Variants in GRIK2 observed in about 807,000 individuals in gnomAD.
The protein encoded by GRIK2 is glutamate ionotropic receptor kainate type subunit 2.
In GRIK2, 32 loss-of-function variants were observed where a neutral mutation model predicts 100.3. The observed-to-expected ratio is 0.32, with a 90% CI of 0.24 to 0.43. GRIK2 has a LOEUF of 0.43. GRIK2 is among the 20% of genes least tolerant of loss of function. GRIK2 has a pLI of 1.00. For missense variants in GRIK2, 843 were observed against 1,114.9 expected (o/e 0.76, Z 3.47); for synonymous variants, 417 against 389.4 (o/e 1.07, Z -0.83).
At chr6:101,620,636 T>C (rs1260631689) in intron 2 of GRIK2, among the ~76,000 whole-genome samples, 1 of 152,174 alleles carries the variant, frequency 6.6e-6, no homozygotes, top group Non-Finnish European at 1.5e-5. Context: ...AATTGCTAGA[T>C]GTGGAATAGC....
Position 101,490,940 on chromosome 6 carries a change from T to C in GRIK2, c.115+91548T>C, listed in dbSNP as rs146938185. Among the ~76,000 whole-genome samples the C allele has an allele frequency of 1.4e-5, 2 of 145,972 alleles. 1 individual carries two copies. The highest frequency in any genetic ancestry group is 3.0e-5 in the Non-Finnish European group (2 of 66,398). On this transcript the variant is annotated intron_variant, in intron 2 of 16. Coordinates refer to ENST00000369134, the MANE Select transcript of GRIK2 (RefSeq NM_021956.5). The stretch of plus-strand genomic sequence containing the variant: ...AATAACAGACATGCATGCGTGCACA[T>C]ACACACACACCTTTTCCAAAACATA...
chr6:101,644,304 T>A (rs994187843), intron 4 of GRIK2, among the ~76,000 whole-genome samples: 1 of 151,744 alleles, frequency 6.6e-6, no homozygotes, highest in Non-Finnish European at 1.5e-5. Flanking sequence ...TCAAGTAATG[T>A]TAAGAGTAGG....
chr6:101,791,155 C>A lies in GRIK2; in HGVS notation c.952-8493C>A, dbSNP rs1200838333. 2.0e-5 allele frequency among the ~76,000 whole-genome samples: 3 copies of A among 152,154 alleles called. No individual in the cohort carries two copies. The South Asian group carries it at 6.2e-4, about 32-fold the overall frequency. ...CAATTTTGTTGATCCTTTCAAAAAA[C>A]CAGCTCCTGGATTCATTAATTTGTT... On this transcript the variant is annotated intron_variant, in intron 7 of 16. Coordinates refer to ENST00000369134, the MANE Select transcript of GRIK2 (RefSeq NM_021956.5).
chr6:102,025,348 A>C (rs1468991118), intron 14 of GRIK2, among the ~76,000 whole-genome samples: 1 of 151,332 alleles, frequency 6.6e-6, no homozygotes, highest in African/African-American at 2.4e-5. Context: ...TGAACAGATA[A>C]ATAAGTATAA....
At chr6:102,026,148 A>ATATATATATATG (rs1769693624) in intron 14 of GRIK2, among the ~76,000 whole-genome samples, 2 of 112,466 alleles carry the variant, frequency 1.8e-5, no homozygotes, top group Non-Finnish European at 3.9e-5. Context: ...ATATATATAT[A>ATATATATATATG]TATATATGAA....
intron 9 of GRIK2, among the ~76,000 whole-genome samples, chr6:101,805,572 A>G (rs1228828167): frequency 6.6e-6 from 1 of 151,976 alleles, no homozygotes; most frequent in East Asian, 1.9e-4. Context: ...TGGTCATCTT[A>G]GACCAGCACA....
rs143145703 is a variant in GRIK2, at chr6:101,923,272, C to T, written c.1749-1329C>T. On this transcript the variant is annotated intron_variant, in intron 12 of 16. Transcript: ENST00000369134. Reference sequence around the variant, plus strand: ...TTTTTTAATGCTTTCACAAAGCGGACATATTCTAATTTGGTTTATAAAAGA... The same window carrying T: ...TTTTTTAATGCTTTCACAAAGCGGATATATTCTAATTTGGTTTATAAAAGA... 5.6e-3 allele frequency among the ~76,000 whole-genome samples: 855 copies of T among 151,946 alleles called. 10 individuals are homozygous for T. The highest frequency in any genetic ancestry group is 0.02 in the African/African-American group (814 of 41,426).
chr6:101,655,835 A>G (rs1782032047), intron 4 of GRIK2, among the ~76,000 whole-genome samples: 1 of 152,174 alleles, frequency 6.6e-6, no homozygotes, highest in South Asian at 2.1e-4. Context: ...AGTTCCCTAC[A>G]GAATTACAAG....
intron 11 of GRIK2, among the ~76,000 whole-genome samples, chr6:101,874,993 T>C (rs1470138925): frequency 6.6e-6 from 1 of 152,160 alleles, no homozygotes; most frequent in East Asian, 1.9e-4. Context: ...TAAGGAAATT[T>C]TGGGCTGAGA....
At chr6:101,545,866 G>T (rs1276631770) in intron 2 of GRIK2, among the ~76,000 whole-genome samples, 1 of 151,806 alleles carries the variant, frequency 6.6e-6, no homozygotes, top group Non-Finnish European at 1.5e-5. Flanking sequence ...TCTGATTTTT[G>T]ATTTCTTACT....
chr6:101,895,668 C>T (rs2128459556), intron 12 of GRIK2, among the ~76,000 whole-genome samples: 1 of 151,734 alleles, frequency 6.6e-6, no homozygotes, highest in South Asian at 2.1e-4. Flanking sequence ...AATGAAATGC[C>T]AATTTTGTTG....
At chr6:101,745,960 A>G (rs9498686) in intron 7 of GRIK2, among the ~76,000 whole-genome samples, 14,630 of 152,168 alleles carry the variant, frequency 0.096, 834 homozygotes, top group South Asian at 0.21. Context: ...CCCTTCCCCA[A>G]GATTATTCAG....
At chr6:101,747,928 G>T (rs929776730) in intron 7 of GRIK2, among the ~76,000 whole-genome samples, 3 of 152,068 alleles carry the variant, frequency 2.0e-5, no homozygotes. Context: ...TGCTATAGAG[G>T]CCAACAGCCA....
intron 14 of GRIK2, among the ~76,000 whole-genome samples, chr6:101,994,288 C>A (rs1434620636): frequency 2.0e-5 from 3 of 151,366 alleles, no homozygotes; most frequent in Non-Finnish European, 3.0e-5. Context: ...TTTCTAGCCT[C>A]ATTTTATCTT....
chr6:101,740,026 A>G (rs1391767164), intron 7 of GRIK2, among the ~76,000 whole-genome samples: 1 of 152,198 alleles, frequency 6.6e-6, no homozygotes, highest in Admixed American at 6.5e-5. Flanking sequence ...CCTCCGCAGA[A>G]TCAACTTTGC....
chr6:101,873,931 GT>G, intron 11 of GRIK2, among the ~76,000 whole-genome samples: 1 of 151,940 alleles, frequency 6.6e-6, no homozygotes, highest in East Asian at 1.9e-4. Context: ...TTGCCCACTT[GT>G]TGATGGGGTT....
At chr6:101,585,256 A>G (rs1221879982) in intron 2 of GRIK2, among the ~76,000 whole-genome samples, 1 of 152,062 alleles carries the variant, frequency 6.6e-6, no homozygotes, top group Non-Finnish European at 1.5e-5. Context: ...AAACTTTAGA[A>G]CAGTTTTTTA....
Position 101,889,625 on chromosome 6 carries a change from T to TTTTTTTTTTTTTTTTA in GRIK2, c.1525-15_1525-14insTTTTTTTTTTTTTTTA. On this transcript the variant is annotated splice_polypyrimidine_tract_variant and intron_variant, in intron 11 of 16. Transcript: ENST00000369134. The stretch of plus-strand genomic sequence containing the variant: ...TCTTTCTTTTTTTTTTTTTTTTGTT[T>TTTTTTTTTTTTTTTTA]GTTTCTGTCTACAGAAAGCTGACCT... 1 of 1,200,282 alleles carries TTTTTTTTTTTTTTTTA rather than the reference T, an allele frequency of 8.3e-7. No individual in the cohort carries two copies. The highest frequency in any genetic ancestry group is 1.2e-6 in the Non-Finnish European group (1 of 861,166). The allele number at this position is 1,200,282 out of a possible 1,614,324, so 74.4% of individuals were successfully genotyped here.
chr6:101,696,248 T>C (rs1483233275), intron 7 of GRIK2, among the ~76,000 whole-genome samples: 1 of 151,852 alleles, frequency 6.6e-6, no homozygotes, highest in African/African-American at 2.4e-5. Flanking sequence ...TATTTAAAAA[T>C]AGAGATTCTA....
Sources: gnomAD v4.1 joint callset for allele counts (sites outside exome capture counted in the v4.1 genomes callset) on GRCh38, gnomAD v4.1.1 for gene constraint, MANE v1.5 for transcripts, NCBI Gene and HGNC (gene_info 2026-07-23, HGNC 2026-07-21) for gene names.